The following IQSEC1 variants were observed in gnomAD, a reference collection of about 807,000 sequenced individuals.
IQSEC1 encodes IQ motif and Sec7 domain ArfGEF 1, also known as IQ motif and SEC7 domain-containing protein 1.
In IQSEC1, 31 loss-of-function variants were observed where a neutral mutation model predicts 91.0. The ratio of observed to expected loss-of-function variants is 0.34; its 90% CI spans 0.26 to 0.46. The LOEUF is 0.46. Among genes scored for constraint, IQSEC1 ranks in the 20% least tolerant of loss-of-function variants. The pLI, the probability that IQSEC1 is intolerant of heterozygous loss-of-function variation, is 1.00. For synonymous variants in IQSEC1, 699 were observed against 662.6 expected (o/e 1.05, Z -0.84); for missense variants, 1,388 against 1,575.6 (o/e 0.88, Z 2.02).
chr3:13,063,142 C>A (rs150772649), intron 1 of IQSEC1, among the ~76,000 whole-genome samples: 4 of 152,190 alleles, frequency 2.6e-5, no homozygotes, highest in African/African-American at 9.7e-5. Context: ...AAAGCCTGGC[C>A]CCTCAGAGAG....
intron 1 of IQSEC1, among the ~76,000 whole-genome samples, chr3:13,176,763 C>A (rs1559270627): frequency 1.3e-5 from 2 of 152,190 alleles, no homozygotes; most frequent in Non-Finnish European, 1.5e-5. Context: ...TGCATTTAGG[C>A]CAGCTTTTAA....
At chr3:13,015,480 A>G in intron 1 of IQSEC1, 4 of 786,264 alleles carry the variant, frequency 5.1e-6, no homozygotes, top group Non-Finnish European at 6.2e-6. Context: ...AGCCCCCAAG[A>G]CCCTCACCAC....
intron 2 of IQSEC1, among the ~76,000 whole-genome samples, chr3:13,090,186 C>T (rs895875732): frequency 3.3e-5 from 5 of 151,752 alleles, no homozygotes; most frequent in African/African-American, 1.2e-4. Flanking sequence ...CCACTGCGCT[C>T]CAGCCTGGGT....
chr3:13,081,412 G>C (rs1007036824), intron 2 of IQSEC1, among the ~76,000 whole-genome samples: 2 of 152,082 alleles, frequency 1.3e-5, no homozygotes, highest in Admixed American at 1.3e-4. Context: ...GGGACTTCAG[G>C]AACATGCCAC....
intron 2 of IQSEC1, among the ~76,000 whole-genome samples, chr3:13,141,332 C>G (rs946086716): frequency 2.0e-5 from 3 of 152,204 alleles, no homozygotes; most frequent in African/African-American, 7.2e-5. Flanking sequence ...CACAGGGTAG[C>G]AGATGAGAGA....
chr3:13,050,761 A>T (rs1003962033), intron 1 of IQSEC1, among the ~76,000 whole-genome samples: 30 of 152,246 alleles, frequency 2.0e-4, no homozygotes, highest in African/African-American at 7.2e-4. Flanking sequence ...CCAAGAACAG[A>T]GTCGGCATTC....
intron 2 of IQSEC1, among the ~76,000 whole-genome samples, chr3:13,097,799 A>G (rs1705990431): frequency 6.6e-6 from 1 of 152,216 alleles, no homozygotes; most frequent in South Asian, 2.1e-4. Context: ...ATTGATTAAT[A>G]ACGTGCAGAC....
chr3:12,934,906 T>C (rs1698028526), intron 3 of IQSEC1, among the ~76,000 whole-genome samples: 1 of 150,680 alleles, frequency 6.6e-6, no homozygotes, highest in East Asian at 2.0e-4. Flanking sequence ...GTTCCTTCCA[T>C]CCAGGACACG....
intron 1 of IQSEC1, among the ~76,000 whole-genome samples, chr3:12,952,059 C>T (rs1699585907): frequency 6.6e-6 from 1 of 152,128 alleles, no homozygotes; most frequent in Non-Finnish European, 1.5e-5. Flanking sequence ...CCAGGAGCAC[C>T]ATATCTAAAA....
Position 13,073,196 on chromosome 3 carries a change from G to A in IQSEC1, c.-182C>T. The A allele has an allele frequency of 2.9e-6, 2 of 687,276 alleles. No individual in the cohort carries two copies. The highest frequency in any genetic ancestry group is 5.0e-6 in the Non-Finnish European group (2 of 397,428). 42.6% of individuals were successfully genotyped at this position (687,276 alleles called of 1,614,324 possible). On this transcript the variant is annotated 5_prime_UTR_variant, in exon 1 of 14. Coordinates refer to ENST00000613206, the MANE Select transcript of IQSEC1 (RefSeq NM_001134382.3). ...GAGGCTGGGGCGGGAGCGGGGGGCG[G>A]CGCCAGCAGCGGGCTGTGGAGGGCC...
chr3:12,984,288 G>A (rs530937224), intron 1 of IQSEC1, among the ~76,000 whole-genome samples: 85 of 152,314 alleles, frequency 5.6e-4, no homozygotes, highest in Non-Finnish European at 9.9e-4. Context: ...GAGACCCCAT[G>A]CCTTTGCTAG....
chr3:12,942,404 C>G (rs1698835367), intron 1 of IQSEC1, among the ~76,000 whole-genome samples: 1 of 151,872 alleles, frequency 6.6e-6, no homozygotes, highest in African/African-American at 2.4e-5. Context: ...AAATTGAGAC[C>G]ATCCTGGCTA....
chr3:13,054,617 C>T lies in IQSEC1; in HGVS notation c.23+18375G>A, dbSNP rs1576219587. On this transcript the variant is annotated intron_variant, in intron 1 of 13. Coordinates refer to ENST00000613206, the MANE Select transcript of IQSEC1 (RefSeq NM_001134382.3). ...TGCCAGGTCCCCCAGGCTTACTGTG[C>T]CCCTTGAGCTCAGGGACGGGATGCA... Among the ~76,000 whole-genome samples, 3 of 152,234 alleles carry T rather than the reference C, an allele frequency of 2.0e-5. No homozygotes were observed. In the East Asian group the frequency reaches 5.8e-4, roughly 29 times the overall value.
In IQSEC1 at chr3:12,936,255, G is replaced by A; in HGVS notation, c.761C>T (p.Ala254Val). 1 of 1,613,322 alleles carries A rather than the reference G, an allele frequency of 6.2e-7. No individual in the cohort carries two copies. The highest frequency in any genetic ancestry group is 8.5e-7 in the Non-Finnish European group (1 of 1,180,008). The change falls in exon 3 of 14, where the codon GCA becomes GTA. Residue 254 changes from alanine (A) to valine (V), a missense_variant. Transcript: ENST00000613206. ...LNCRSLHTEEAPALDAARARD... is the reference protein window; with the variant it reads ...LNCRSLHTEEVPALDAARARD... Reference sequence around the variant, plus strand: ...GGCCCGCGCCGCATCCAGGGCCGGTGCCTCCTCAGTGTGCAGGCTGCGGCA... The same window carrying A: ...GGCCCGCGCCGCATCCAGGGCCGGTACCTCCTCAGTGTGCAGGCTGCGGCA...
chr3:13,112,466 A>T (rs1706263000), intron 2 of IQSEC1, among the ~76,000 whole-genome samples: 1 of 152,306 alleles, frequency 6.6e-6, no homozygotes, highest in African/African-American at 2.4e-5. Context: ...AGTGAGAGGG[A>T]CTGACAACCA....
intron 9 of IQSEC1, among the ~76,000 whole-genome samples, chr3:12,912,508 C>A (rs1695654640): frequency 6.6e-6 from 1 of 152,076 alleles, no homozygotes; most frequent in South Asian, 2.1e-4. Context: ...AGAGGGTTAG[C>A]CAGTCCTCAT....
At chr3:13,090,595 T>G (rs1340113233) in intron 2 of IQSEC1, among the ~76,000 whole-genome samples, 1 of 152,178 alleles carries the variant, frequency 6.6e-6, no homozygotes. Context: ...ACAGGCCTGG[T>G]GCAGGGGCAG....
chr3:12,956,824 C>T (rs1289180046), intron 1 of IQSEC1, among the ~76,000 whole-genome samples: 50 of 152,200 alleles, frequency 3.3e-4, no homozygotes, highest in Non-Finnish European at 2.9e-5. Flanking sequence ...TGAGTGGCCC[C>T]AGGCAAGTGC....
chr3:12,996,478 T>C (rs1269168881), intron 1 of IQSEC1, among the ~76,000 whole-genome samples: 2 of 152,234 alleles, frequency 1.3e-5, no homozygotes, highest in African/African-American at 2.4e-5. Context: ...GTGGAAAGCC[T>C]GCACAAAATG....
Sources: allele counts gnomAD v4.1 joint callset (sites outside exome capture counted in the v4.1 genomes callset), GRCh38; gene constraint gnomAD v4.1.1; transcripts MANE v1.5; gene names NCBI Gene and HGNC (gene_info 2026-07-23, HGNC 2026-07-21).